PLCH1: variants seen among roughly 807,000 people sequenced by gnomAD.
The protein encoded by PLCH1 is 1-phosphatidylinositol 4,5-bisphosphate phosphodiesterase eta-1.
Under a neutral mutation model 126.7 loss-of-function variants are expected in PLCH1, and 60 were observed. That is an observed-to-expected ratio of 0.47 (90% CI 0.38 to 0.59). PLCH1 has a LOEUF of 0.59. Among genes scored for constraint, PLCH1 ranks in the 20% least tolerant of loss-of-function variants. The probability of loss-of-function intolerance (pLI) is 0.00; values close to 1 mark genes in which losing one functional copy is unlikely to be tolerated. For synonymous variants in PLCH1, 719 were observed against 734.9 expected, an observed-to-expected ratio of 0.98 and a Z score of 0.35; for missense variants, 1,723 against 2,040.0, an observed-to-expected ratio of 0.84 and a Z score of 2.99.
chr3:155,511,552 G>T lies in PLCH1; in HGVS notation c.1632+3171C>A, dbSNP rs553528330. On this transcript the variant is annotated intron_variant, in intron 12 of 22. Transcript: ENST00000460012. ...GTTTTCGGTGTAGATGTCCTTTCTG[G>T]TTGTTAGTTTTCCTTCTAACAGACA... 1.1e-4 allele frequency among the ~76,000 whole-genome samples: 15 copies of T among 133,084 alleles called. No homozygotes were observed. In the East Asian group the frequency reaches 2.1e-3, roughly 19 times the overall value. The allele number at this position is 133,084 out of a possible 152,430, so 87.3% of individuals were successfully genotyped here. A position where few individuals can be genotyped will look rare whatever the true frequency, so the allele number is the denominator to read the frequency against.
intron 6 of PLCH1, among the ~76,000 whole-genome samples, chr3:155,568,754 C>G (rs1728831868): frequency 1.4e-5 from 2 of 147,282 alleles, no homozygotes; most frequent in African/African-American, 2.5e-5. Flanking sequence ...AAATGTACCT[C>G]TGTGTGTGTG....
At chr3:155,484,983 T>C (rs1456532228) in intron 22 of PLCH1, among the ~76,000 whole-genome samples, 1 of 152,240 alleles carries the variant, frequency 6.6e-6, no homozygotes, top group African/African-American at 2.4e-5. Flanking sequence ...ATGTGTTATA[T>C]GGTAAGAAAA....
chr3:155,455,087 T>C (rs1246998018), intron 21 of PLCH1, among the ~76,000 whole-genome samples: 1 of 152,226 alleles, frequency 6.6e-6, no homozygotes, highest in Non-Finnish European at 1.5e-5. Flanking sequence ...TAATTTACAA[T>C]ACTATTATGT....
chr3:155,561,766 C>T (rs1431668736), intron 8 of PLCH1, among the ~76,000 whole-genome samples: 1 of 152,034 alleles, frequency 6.6e-6, no homozygotes, highest in Non-Finnish European at 1.5e-5. Flanking sequence ...TAAAAGTGTT[C>T]CTATTTCTCC....
intron 2 of PLCH1, among the ~76,000 whole-genome samples, chr3:155,654,101 T>C (rs968550994): frequency 2.0e-5 from 3 of 150,836 alleles, no homozygotes; most frequent in African/African-American, 7.3e-5. Flanking sequence ...CATTTCTCAG[T>C]GCTCATTTTA....
At chr3:155,520,896 T>G (rs1246836518) in intron 11 of PLCH1, among the ~76,000 whole-genome samples, 1 of 152,198 alleles carries the variant, frequency 6.6e-6, no homozygotes, top group Non-Finnish European at 1.5e-5. Context: ...AGAAAAAAAC[T>G]TAACAGTATG....
intron 4 of PLCH1, among the ~76,000 whole-genome samples, chr3:155,589,619 G>A (rs1057272590): frequency 6.6e-6 from 1 of 152,134 alleles, no homozygotes; most frequent in Non-Finnish European, 1.5e-5. Flanking sequence ...CCCTCATGGG[G>A]TCAAGAGATA....
chr3:155,733,558 A>C (rs1301466683), intron 1 of PLCH1, among the ~76,000 whole-genome samples: 1 of 152,194 alleles, frequency 6.6e-6, no homozygotes, highest in Non-Finnish European at 1.5e-5. Context: ...TACCACATAC[A>C]AAATCAACTC....
At position 155,568,322 on chromosome 3, in the gene PLCH1, C is replaced by A. The variant is rs1399939182; in HGVS notation, c.774G>T (p.Met258Ile). Residue 258 changes from methionine to isoleucine, a missense_variant and splice_region_variant, in exon 7 of 23, where the codon ATG becomes ATT. Transcript: ENST00000460012. ...LAQFLKVEQKMNNVTTDYCLD... is the reference protein window; with the variant it reads ...LAQFLKVEQKINNVTTDYCLD... ...GACAATAGTCCGTTGTCACATTATTCATCTAAGAAAAACAGAATACTAGTA... is the reference window on the plus strand; with the variant it reads ...GACAATAGTCCGTTGTCACATTATTAATCTAAGAAAAACAGAATACTAGTA... The A allele has an allele frequency of 1.4e-6, 2 of 1,421,194 alleles. No homozygotes were observed. Among genetic ancestry groups the A allele is most frequent in the African/African-American group, 1.4e-5 (1 of 70,732 alleles). The allele number at this position is 1,421,194 out of a possible 1,614,324, so 88.0% of individuals were successfully genotyped here. A position where few individuals can be genotyped will look rare whatever the true frequency, so the allele number is the denominator to read the frequency against.
chr3:155,451,180 G>A (rs574788366), intron 21 of PLCH1, among the ~76,000 whole-genome samples: 1 of 151,878 alleles, frequency 6.6e-6, no homozygotes, highest in Non-Finnish European at 1.5e-5. Flanking sequence ...AATAAATATA[G>A]AAGAAATAAC....
chr3:155,743,713 G>C (rs1749786812), intron 1 of PLCH1: 1 of 354,504 alleles, frequency 2.8e-6, no homozygotes, highest in African/African-American at 2.2e-5. Flanking sequence ...ATTATACTCT[G>C]GTCCCTTTTG....
At chr3:155,709,799 G>A (rs1490204206) in intron 1 of PLCH1, among the ~76,000 whole-genome samples, 2 of 152,052 alleles carry the variant, frequency 1.3e-5, no homozygotes, top group Non-Finnish European at 2.9e-5. Context: ...TTGACTTTTT[G>A]CAGAGACAGG....
intron 10 of PLCH1, among the ~76,000 whole-genome samples, chr3:155,534,362 A>G (rs1030794919): frequency 1.3e-5 from 2 of 152,202 alleles, no homozygotes; most frequent in African/African-American, 2.4e-5. Flanking sequence ...TTGGACTTGC[A>G]TGGAGCCTGT....
At chr3:155,621,030 G>T (rs564228748) in intron 2 of PLCH1, among the ~76,000 whole-genome samples, 1 of 152,122 alleles carries the variant, frequency 6.6e-6, no homozygotes, top group Non-Finnish European at 1.5e-5. Context: ...CGCATCTGGC[G>T]GGTGCCCCTC....
At chr3:155,699,849 C>CACACACACA (rs1553760147) in intron 2 of PLCH1, among the ~76,000 whole-genome samples, 1 of 145,512 alleles carries the variant, frequency 6.9e-6, no homozygotes, top group African/African-American at 2.7e-5. Flanking sequence ...CACACACACA[C>CACACACACA]CACTACCTCT....
At chr3:155,526,484 T>TACACA (rs774024945) in intron 10 of PLCH1, among the ~76,000 whole-genome samples, 11,178 of 93,598 alleles carry the variant, frequency 0.12, 555 homozygotes, top group Non-Finnish European at 0.18. Context: ...TTTCTCTCTC[T>TACACA]CTCATACACA....
At chr3:155,462,685 C>T (rs902932185) in intron 21 of PLCH1, among the ~76,000 whole-genome samples, 3 of 152,146 alleles carry the variant, frequency 2.0e-5, no homozygotes, top group African/African-American at 7.2e-5. Flanking sequence ...CCCTACCCAC[C>T]CCATCCCACT....
chr3:155,663,726 TA>T (rs1401817980), intron 2 of PLCH1, among the ~76,000 whole-genome samples: 2 of 152,142 alleles, frequency 1.3e-5, no homozygotes, highest in African/African-American at 2.4e-5. Flanking sequence ...AAGCAGTCAA[TA>T]AACATTAGCT....
At chr3:155,527,942 G>A (rs1335353053) in intron 10 of PLCH1, among the ~76,000 whole-genome samples, 1 of 150,984 alleles carries the variant, frequency 6.6e-6, no homozygotes, top group East Asian at 2.0e-4. Context: ...AAAATGTTGG[G>A]GCCAGGCACA....
Sources: allele counts gnomAD v4.1 joint callset (sites outside exome capture counted in the v4.1 genomes callset), GRCh38; gene constraint gnomAD v4.1.1; transcripts MANE v1.5; gene names NCBI Gene and HGNC (gene_info 2026-07-23, HGNC 2026-07-21).